Variants in MYO6 observed in about 807,000 individuals in gnomAD.
MYO6 encodes the protein unconventional myosin-VI.
A neutral mutation model predicts 178.7 loss-of-function variants in MYO6; 74 were observed. The ratio of observed to expected loss-of-function variants is 0.41; its 90% CI spans 0.34 to 0.50. The LOEUF (loss-of-function observed/expected upper bound fraction) is 0.50, where lower values mean the gene tolerates loss of function less well. MYO6 is among the 20% of genes least tolerant of loss of function. The probability of loss-of-function intolerance (pLI) is 0.09; values close to 1 mark genes in which losing one functional copy is unlikely to be tolerated. For missense variants in MYO6, 1,330 were observed against 1,547.4 expected (o/e 0.86, Z 2.36); for synonymous variants, 477 against 504.6 (o/e 0.95, Z 0.73).
intron 25 of MYO6, among the ~76,000 whole-genome samples, chr6:75,887,902 C>CG (rs940994404): frequency 2.0e-4 from 31 of 151,374 alleles, no homozygotes; most frequent in Admixed American, 7.9e-4. Context: ...TGGAGTGAAC[C>CG]GGGGGGGCGG....
At chr6:75,798,087 T>C (rs1330412167) in intron 1 of MYO6, among the ~76,000 whole-genome samples, 1 of 152,144 alleles carries the variant, frequency 6.6e-6, no homozygotes, top group Non-Finnish European at 1.5e-5. Context: ...ATTTCCTAGG[T>C]TTTCTTCTAG....
intron 9 of MYO6, among the ~76,000 whole-genome samples, chr6:75,842,171 G>C (rs1162808428): frequency 6.6e-6 from 1 of 151,506 alleles, no homozygotes; most frequent in South Asian, 2.1e-4. Context: ...GATCAACTTA[G>C]ATGTGGTGGG....
At chr6:75,831,793 G>A (rs1485177658) in intron 5 of MYO6, among the ~76,000 whole-genome samples, 1 of 151,910 alleles carries the variant, frequency 6.6e-6, no homozygotes. Context: ...TGGAGGCAGT[G>A]GTGGGAAGAT....
At chr6:75,889,860 G>A (rs1324409403) in intron 25 of MYO6, among the ~76,000 whole-genome samples, 197 bp from the exon 26 acceptor site, 1 of 152,158 alleles carries the variant, frequency 6.6e-6, no homozygotes, top group Non-Finnish European at 1.5e-5. Context: ...CGGACGTATT[G>A]CTTACCATCT....
At chr6:75,879,737 A>G (rs13208054) in intron 20 of MYO6, 83 bp from the exon 21 acceptor site, 444 of 1,595,560 alleles carry the variant, frequency 2.8e-4, no homozygotes, top group Non-Finnish European at 3.7e-4. Context: ...TCTAAACAGT[A>G]TCTTACAAAA....
chr6:75,753,636 G>A lies in MYO6; in HGVS notation c.-48+4213G>A, dbSNP rs545339541. 1.2e-4 allele frequency among the ~76,000 whole-genome samples: 18 copies of A among 151,834 alleles called. No homozygotes were observed. The East Asian group carries it at 2.1e-3, about 18-fold the overall frequency. On this transcript the variant is annotated intron_variant, in intron 1 of 34. Coordinates refer to ENST00000369977, the MANE Select transcript of MYO6 (RefSeq NM_004999.4). The stretch of plus-strand genomic sequence containing the variant: ...GTCACCATGCCTGGCTAACTTTTTT[G>A]TGTTTCTGGTGGAGAGGGGTTTTGC...
At chr6:75,844,131 A>G (rs1163302832) in intron 9 of MYO6, among the ~76,000 whole-genome samples, 3 of 152,174 alleles carry the variant, frequency 2.0e-5, no homozygotes, top group Non-Finnish European at 4.4e-5. Flanking sequence ...TATAGCAAAT[A>G]TGTTCATTCA....
intron 1 of MYO6, among the ~76,000 whole-genome samples, chr6:75,777,781 A>ATTCATT (rs1766539602): frequency 6.6e-6 from 1 of 152,014 alleles, no homozygotes. Context: ...CCTGCCCCCA[A>ATTCATT]TTCATTTTAG....
intron 25 of MYO6, among the ~76,000 whole-genome samples, chr6:75,888,991 A>T (rs927287886): frequency 1.2e-4 from 18 of 152,152 alleles, no homozygotes; most frequent in African/African-American, 4.3e-4. Context: ...ATATTTCATT[A>T]ATTACATTTC....
At chr6:75,866,838 T>A (rs1776746260) in intron 17 of MYO6, 94 bp from the exon 18 acceptor site, 1 of 1,374,734 alleles carries the variant, frequency 7.3e-7, no homozygotes, top group Admixed American at 1.7e-5. Context: ...TACAGAACAT[T>A]TCTGTCATCA....
intron 7 of MYO6, among the ~76,000 whole-genome samples, chr6:75,836,587 C>CT (rs575271701): frequency 0.026 from 3,756 of 143,022 alleles, 128 homozygotes; most frequent in African/African-American, 0.08. Context: ...TTTTTCTTTT[C>CT]TTTTTTTTTT....
intron 1 of MYO6, among the ~76,000 whole-genome samples, chr6:75,762,507 T>C (rs143143103): frequency 6.6e-6 from 1 of 152,190 alleles, no homozygotes; most frequent in Non-Finnish European, 1.5e-5. Context: ...TTTTAAACAC[T>C]CAGAGCTTTG....
At chr6:75,842,484 G>A (rs905971678) in intron 9 of MYO6, among the ~76,000 whole-genome samples, 1 of 152,140 alleles carries the variant, frequency 6.6e-6, no homozygotes, top group African/African-American at 2.4e-5. Context: ...GTGTGTGTGC[G>A]TGTGTGTTTG....
At chr6:75,824,441 G>T (rs1268393174) in intron 3 of MYO6, among the ~76,000 whole-genome samples, 1 of 152,048 alleles carries the variant, frequency 6.6e-6, no homozygotes. Flanking sequence ...CAGCTGCAGT[G>T]GTTCTGTCAC....
chr6:75,885,452 CT>C (rs1297597470), intron 23 of MYO6, among the ~76,000 whole-genome samples: 251 of 144,114 alleles, frequency 1.7e-3, no homozygotes, highest in Admixed American at 1.6e-3. Context: ...ATGAGAATCT[CT>C]TTTTTTTTTT....
rs201968938 is a variant in MYO6, at chr6:75,892,701, C to A, written c.3107+11C>A. The A allele has an allele frequency of 1.9e-6, 3 of 1,611,872 alleles. No individual in the cohort carries two copies. Among genetic ancestry groups the A allele is most frequent in the South Asian group, 1.1e-5 (1 of 90,980 alleles). ...CCTGGCGCTGCGGAGGTACTGGGGCCCCTGGGTGGGGTATAGCGCTCTCTC... is the reference window on the plus strand; with the variant it reads ...CCTGGCGCTGCGGAGGTACTGGGGCACCTGGGTGGGGTATAGCGCTCTCTC... On this transcript the variant is annotated intron_variant, in intron 28 of 34. Transcript: ENST00000369977.
At chr6:75,856,437 T>A (rs532996261) in intron 12 of MYO6, among the ~76,000 whole-genome samples, 1 of 152,174 alleles carries the variant, frequency 6.6e-6, no homozygotes, top group East Asian at 1.9e-4. Context: ...GTATCAAATG[T>A]CAGGCTGATC....
At chr6:75,838,507 A>G (rs920166641) in intron 7 of MYO6, among the ~76,000 whole-genome samples, 4 of 152,128 alleles carry the variant, frequency 2.6e-5, no homozygotes, top group Admixed American at 6.5e-5. Context: ...TTCTTATCCT[A>G]TTTTGGGATA....
At chr6:75,857,903 G>C (rs1223910986) in intron 13 of MYO6, among the ~76,000 whole-genome samples, 3 of 152,096 alleles carry the variant, frequency 2.0e-5, no homozygotes, top group African/African-American at 7.2e-5. Flanking sequence ...TTATCAATGT[G>C]GGCATTCTTT....
Sources: allele counts gnomAD v4.1 joint callset (sites outside exome capture counted in the v4.1 genomes callset), GRCh38; gene constraint gnomAD v4.1.1; transcripts MANE v1.5; gene names NCBI Gene and HGNC (gene_info 2026-07-23, HGNC 2026-07-21).